The following PTPRT variants were observed in gnomAD, a reference collection of about 807,000 sequenced individuals.
The protein encoded by PTPRT is receptor-type tyrosine-protein phosphatase T.
A neutral mutation model predicts 176.8 loss-of-function variants in PTPRT; 56 were observed. The observed-to-expected ratio is 0.32, with a 90% confidence interval of 0.26 to 0.40. The LOEUF is 0.40. Ranked by LOEUF, PTPRT falls within the 10% of genes least tolerant of loss-of-function variation. PTPRT has a pLI of 1.00. For synonymous variants in PTPRT, 783 were observed against 739.0 expected (o/e 1.06, Z -0.96); for missense variants, 1,540 against 1,908.2 (o/e 0.81, Z 3.60).
At chr20:43,121,589 T>C (rs2013261142) in intron 1 of PTPRT, among the ~76,000 whole-genome samples, 2 of 152,218 alleles carry the variant, frequency 1.3e-5, no homozygotes, top group Non-Finnish European at 2.9e-5. Flanking sequence ...CACCTGTGCA[T>C]ATGCTTAGTG....
At chr20:42,456,508 A>C (rs949253116) in intron 8 of PTPRT, among the ~76,000 whole-genome samples, 3 of 151,978 alleles carry the variant, frequency 2.0e-5, no homozygotes, top group African/African-American at 7.2e-5. Context: ...TATCTTTATC[A>C]GGTTGAGGGG....
At chr20:42,260,845 C>T (rs1434135564) in intron 13 of PTPRT, among the ~76,000 whole-genome samples, 8 of 152,178 alleles carry the variant, frequency 5.3e-5, no homozygotes, top group Non-Finnish European at 1.2e-4. Flanking sequence ...AGAGTGGAGA[C>T]CTGTCTGGGC....
At chr20:42,893,327 G>A (rs995001932) in intron 1 of PTPRT, among the ~76,000 whole-genome samples, 9 of 152,192 alleles carry the variant, frequency 5.9e-5, no homozygotes, top group African/African-American at 4.8e-5. Context: ...TCTCATACCA[G>A]TTAGAATGGC....
intron 7 of PTPRT, among the ~76,000 whole-genome samples, chr20:42,510,453 GTGT>G (rs1457512401): frequency 6.6e-6 from 1 of 152,054 alleles, no homozygotes; most frequent in Non-Finnish European, 1.5e-5. Context: ...TATAACGTGT[GTGT>G]TTTTTAAAAA....
In PTPRT at chr20:42,578,890, GT is replaced by G. The variant is rs200719616; in HGVS notation, c.1153+98975del. On this transcript the variant is annotated intron_variant, in intron 7 of 30. Coordinates refer to ENST00000373187, the MANE Select transcript of PTPRT (RefSeq NM_007050.6). ...TTACAATGGCCTTTGAGTCTTGCAA[GT>G]TTTTTTTTTTTGGGGGGGGGTCGGT... 9.5e-3 allele frequency among the ~76,000 whole-genome samples: 1,180 copies of G among 123,812 alleles called. 18 individuals carry two copies. The highest frequency in any genetic ancestry group is 0.02 in the Middle Eastern group (5 of 246). The allele number at this position is 123,812 out of a possible 152,430, so 81.2% of individuals were successfully genotyped here. A position where few individuals can be genotyped will look rare whatever the true frequency, so the allele number is the denominator to read the frequency against.
intron 11 of PTPRT, among the ~76,000 whole-genome samples, chr20:42,326,494 G>C (rs1420618533): frequency 6.6e-6 from 1 of 152,284 alleles, no homozygotes; most frequent in African/African-American, 2.4e-5. Context: ...AAGTAGTTTT[G>C]TAGAAGATGG....
intron 7 of PTPRT, among the ~76,000 whole-genome samples, chr20:42,557,998 T>C (rs2072889221): frequency 6.6e-6 from 1 of 152,228 alleles, no homozygotes; most frequent in Non-Finnish European, 1.5e-5. Context: ...TTTTAAACTT[T>C]TACATTCAGG....
chr20:42,435,514 G>A (rs2059254784), intron 9 of PTPRT, among the ~76,000 whole-genome samples: 1 of 152,160 alleles, frequency 6.6e-6, no homozygotes. Flanking sequence ...GCATGCTAGA[G>A]CACAGTAAAA....
chr20:43,024,350 T>A (rs1224730336), intron 1 of PTPRT, among the ~76,000 whole-genome samples: 1 of 151,702 alleles, frequency 6.6e-6, no homozygotes, highest in Non-Finnish European at 1.5e-5. Context: ...TAAAAAAAAA[T>A]GGCTCCAAGG....
At chr20:43,081,864 T>C (rs1270300876) in intron 1 of PTPRT, among the ~76,000 whole-genome samples, 1 of 152,198 alleles carries the variant, frequency 6.6e-6, no homozygotes, top group Admixed American at 6.5e-5. Context: ...CAAATCTCCA[T>C]CTACAATGGA....
rs925180767 is a variant in PTPRT, at chr20:42,389,609, G to T, written c.1561-37324C>A. Among the ~76,000 whole-genome samples, 82 of 152,120 alleles carry T rather than the reference G, an allele frequency of 5.4e-4. 2 individuals are homozygous for T. The highest frequency in any genetic ancestry group is 5.0e-3 in the Admixed American group (77 of 15,278). On this transcript the variant is annotated intron_variant, in intron 9 of 30. Coordinates refer to ENST00000373187, the MANE Select transcript of PTPRT (RefSeq NM_007050.6). Reference sequence around the variant, plus strand: ...TCAGGCCTCTAATCCCAGAACTTTGGGAGGACAAGGCGAGAGACTTCTTGC... The same window carrying T: ...TCAGGCCTCTAATCCCAGAACTTTGTGAGGACAAGGCGAGAGACTTCTTGC...
intron 9 of PTPRT, among the ~76,000 whole-genome samples, chr20:42,399,893 A>G (rs917564425): frequency 1.3e-5 from 2 of 152,244 alleles, no homozygotes; most frequent in African/African-American, 4.8e-5. Context: ...CTGACTTATA[A>G]GATGACTTTT....
At chr20:43,131,568 A>G (rs538152711) in intron 1 of PTPRT, among the ~76,000 whole-genome samples, 1 of 152,336 alleles carries the variant, frequency 6.6e-6, no homozygotes, top group Admixed American at 6.5e-5. Context: ...ATTTCTTTTA[A>G]GTATCCTCTG....
intron 2 of PTPRT, among the ~76,000 whole-genome samples, chr20:42,867,166 T>C (rs1028796564): frequency 2.6e-5 from 4 of 152,210 alleles, no homozygotes; most frequent in African/African-American, 9.6e-5. Flanking sequence ...TCCATTGTTG[T>C]ACAAGGTGCT....
chr20:42,248,657 A>G, intron 14 of PTPRT, 30 bp downstream of exon 14: 1 of 1,611,638 alleles, frequency 6.2e-7, no homozygotes, highest in Non-Finnish European at 8.5e-7. Context: ...TCGGGTCAGC[A>G]GAGTCTTGCA....
chr20:42,443,184 C>G (rs376232082), intron 9 of PTPRT, among the ~76,000 whole-genome samples: 28 of 152,332 alleles, frequency 1.8e-4, no homozygotes, highest in African/African-American at 6.7e-4. Flanking sequence ...CTTTCCAGAC[C>G]AGTTGATATT....
chr20:42,438,200 G>T (rs543809079), intron 9 of PTPRT, among the ~76,000 whole-genome samples: 2 of 152,308 alleles, frequency 1.3e-5, no homozygotes, highest in African/African-American at 2.4e-5. Context: ...GACAAATGCA[G>T]AACTCACTCT....
chr20:42,663,016 G>A (rs2075252537), intron 7 of PTPRT, among the ~76,000 whole-genome samples: 2 of 151,696 alleles, frequency 1.3e-5, no homozygotes, highest in Non-Finnish European at 2.9e-5. Context: ...ATATATACAT[G>A]AATATATATA....
intron 1 of PTPRT, among the ~76,000 whole-genome samples, chr20:43,010,827 T>C (rs747775181): frequency 9.2e-5 from 14 of 152,268 alleles, no homozygotes; most frequent in Middle Eastern, 3.4e-3. Flanking sequence ...CAGTGTATTA[T>C]TACCCTCATA....
Sources: allele counts gnomAD v4.1 joint callset (sites outside exome capture counted in the v4.1 genomes callset), GRCh38; gene constraint gnomAD v4.1.1; transcripts MANE v1.5; gene names NCBI Gene and HGNC (gene_info 2026-07-23, HGNC 2026-07-21).